REC114: variants seen among roughly 807,000 people sequenced by gnomAD.
REC114 encodes the protein REC114 meiotic recombination protein.
Under a neutral mutation model 31.3 loss-of-function variants are expected in REC114, and 27 were observed. The observed-to-expected ratio is 0.86, with a 90% CI of 0.64 to 1.19. The LOEUF is 1.19. Ranked by LOEUF, REC114 falls within the 50% of genes most tolerant of loss-of-function variation. The pLI is 0.00. For missense variants in REC114, 344 were observed against 326.9 expected, an observed-to-expected ratio of 1.05 and a Z score of -0.40; for synonymous variants, 134 against 127.7, an observed-to-expected ratio of 1.05 and a Z score of -0.33.
At position 73,495,508 on chromosome 15, in the gene REC114, TA is replaced by T. The variant is rs80177107; in HGVS notation, c.249+21602del. 9.1e-3 allele frequency among the ~76,000 whole-genome samples: 1,187 copies of T among 130,488 alleles called. 4 individuals carry two copies. Among genetic ancestry groups the T allele is most frequent in the African/African-American group, 0.02 (716 of 35,914 alleles). 85.6% of individuals were successfully genotyped at this position (130,488 alleles called of 152,430 possible). A position where few individuals can be genotyped will look rare whatever the true frequency, so the allele number is the denominator to read the frequency against. ...TTAAAATATTTTGCACTGCCAGTCT[TA>T]AAAAAAAAAAAAAAGCAAGAGAACT... On this transcript the variant is annotated intron_variant, in intron 2 of 5. Transcript: ENST00000331090.
intron 2 of REC114, among the ~76,000 whole-genome samples, chr15:73,498,133 A>G (rs1427576532): frequency 6.6e-6 from 1 of 152,078 alleles, no homozygotes; most frequent in African/African-American, 2.4e-5. Context: ...ACAAAACCAT[A>G]AGGTGTTATG....
At chr15:73,447,936 A>G (rs1025288931) in intron 1 of REC114, among the ~76,000 whole-genome samples, 1 of 152,114 alleles carries the variant, frequency 6.6e-6, no homozygotes, top group Admixed American at 6.5e-5. Flanking sequence ...GAGAGACTGT[A>G]CTGGGAGGAA....
At chr15:73,474,598 A>C (rs1040435004) in intron 2 of REC114, among the ~76,000 whole-genome samples, 1 of 152,204 alleles carries the variant, frequency 6.6e-6, no homozygotes, top group Non-Finnish European at 1.5e-5. Flanking sequence ...TTCATACAAC[A>C]AATATTTACT....
At chr15:73,454,747 G>T (rs1182436138) in intron 1 of REC114, among the ~76,000 whole-genome samples, 2 of 152,140 alleles carry the variant, frequency 1.3e-5, no homozygotes, top group Non-Finnish European at 2.9e-5. Flanking sequence ...TTTTGAGACT[G>T]CTCCACAGGT....
intron 1 of REC114, among the ~76,000 whole-genome samples, chr15:73,465,342 C>T (rs1029087452): frequency 2.0e-5 from 3 of 152,182 alleles, no homozygotes; most frequent in African/African-American, 7.2e-5. Flanking sequence ...TATATGAGCA[C>T]ATTATGTAGA....
At chr15:73,540,379 T>C in intron 2 of REC114, 106 bp from the exon 3 acceptor site, 1 of 854,676 alleles carries the variant, frequency 1.2e-6, no homozygotes, top group East Asian at 2.4e-5. Context: ...TATGTTTGAG[T>C]TACACAATAA....
At chr15:73,490,974 G>A (rs1458618477) in intron 2 of REC114, among the ~76,000 whole-genome samples, 3 of 152,054 alleles carry the variant, frequency 2.0e-5, no homozygotes, top group African/African-American at 4.8e-5. Flanking sequence ...CTTTAATTCA[G>A]CATGATGTTT....
chr15:73,464,101 C>G (rs1893025173), intron 1 of REC114, among the ~76,000 whole-genome samples: 1 of 151,948 alleles, frequency 6.6e-6, no homozygotes, highest in African/African-American at 2.4e-5. Context: ...GACCCTCTCA[C>G]TAACATTTTT....
intron 3 of REC114, 75 bp downstream of exon 3, chr15:73,540,643 C>G: frequency 1.6e-6 from 2 of 1,245,174 alleles, no homozygotes; most frequent in East Asian, 2.3e-5. Flanking sequence ...GGGGGCATCT[C>G]TTGGTAGGTG....
chr15:73,472,177 G>A (rs1225289039), intron 1 of REC114, among the ~76,000 whole-genome samples: 1 of 152,122 alleles, frequency 6.6e-6, no homozygotes, highest in Non-Finnish European at 1.5e-5. Context: ...ATAATTCATT[G>A]ACCAGACTGT....
chr15:73,555,522 TC>T (rs1355698694), intron 4 of REC114, among the ~76,000 whole-genome samples: 1 of 152,174 alleles, frequency 6.6e-6, no homozygotes, highest in Non-Finnish European at 1.5e-5. Context: ...TCCCTGTACT[TC>T]CTGCTTAGCA....
rs1219957778 is a variant in REC114, at chr15:73,443,221, G to A, written c.36G>A (p.Gly12=). Reference sequence around the variant, plus strand: ...CAGGAAAAGTGCCCTTGAGCCTCGGGCTTACCGGAGGAGAAGCGGCAGAGT... The same window carrying A: ...CAGGAAAAGTGCCCTTGAGCCTCGGACTTACCGGAGGAGAAGCGGCAGAGT... ...AEAGKVPLSL[G]LTGGEAAEWP... Residue 12 remains glycine (G), a synonymous_variant, in exon 1 of 6, where the codon GGG becomes GGA. Coordinates refer to ENST00000331090, the MANE Select transcript of REC114 (RefSeq NM_001042367.2). The A allele has an allele frequency of 6.3e-7, 1 of 1,576,130 alleles. No homozygotes were observed. The highest frequency in any genetic ancestry group is 8.6e-7 in the Non-Finnish European group (1 of 1,161,900).
Position 73,540,690 on chromosome 15 carries a change from T to A in REC114, c.333+122T>A, listed in dbSNP as rs187115286. 2.6e-5 allele frequency: 22 copies of A among 846,996 alleles called. No homozygotes were observed. In the East Asian group the frequency reaches 4.9e-4, roughly 19 times the overall value. 52.5% of individuals were successfully genotyped at this position (846,996 alleles called of 1,614,324 possible). A position where few individuals can be genotyped will look rare whatever the true frequency, so the allele number is the denominator to read the frequency against. ...GAAGAATACAAATGTTTAAGAAAGGTTTGTACTATGAGAAAAACATGAAAC... is the reference window on the plus strand; with the variant it reads ...GAAGAATACAAATGTTTAAGAAAGGATTGTACTATGAGAAAAACATGAAAC... On this transcript the variant is annotated intron_variant, in intron 3 of 5. Coordinates refer to ENST00000331090, the MANE Select transcript of REC114 (RefSeq NM_001042367.2).
At chr15:73,518,841 A>G (rs1893898023) in intron 2 of REC114, among the ~76,000 whole-genome samples, 1 of 152,276 alleles carries the variant, frequency 6.6e-6, no homozygotes, top group Admixed American at 6.5e-5. Context: ...ATTTGTTGTT[A>G]TAACTTTAAA....
In REC114 at chr15:73,556,324, AG is replaced by A; in HGVS notation, c.570del (p.Gln190HisfsTer5). The part of the protein sequence containing the change: ...QPGSHQHSEQ[Q>X]QVCVTAGTGA... Reference sequence around the variant, plus strand: ...CAGTCCCACCAGCACTCAGAACAACAGCAAGTGTGTGTAACAGCGGGCACAG... The same window carrying A: ...CAGTCCCACCAGCACTCAGAACAACACAAGTGTGTGTAACAGCGGGCACAG... On this transcript the variant is annotated frameshift_variant, in exon 5 of 6. Coordinates refer to ENST00000331090, the MANE Select transcript of REC114 (RefSeq NM_001042367.2). LOFTEE classifies it high-confidence loss of function. 6.2e-7 allele frequency: 1 copy of A among 1,613,868 alleles called. No individual in the cohort carries two copies. The highest frequency in any genetic ancestry group is 8.5e-7 in the Non-Finnish European group (1 of 1,179,782).
Position 73,471,013 on chromosome 15 carries a change from G to A in REC114, c.160-2819G>A, listed in dbSNP as rs544234440. Among the ~76,000 whole-genome samples the A allele has an allele frequency of 3.9e-5, 6 of 152,318 alleles. No individual in the cohort carries two copies. In the South Asian group the frequency reaches 1.0e-3, roughly 26 times the overall value. Reference sequence around the variant, plus strand: ...GAGCAGAGAGGCAGTGGAGGGCCTAGACCGTGGAGTGCGTTGCAGGAGCTT... The same window carrying A: ...GAGCAGAGAGGCAGTGGAGGGCCTAAACCGTGGAGTGCGTTGCAGGAGCTT... On this transcript the variant is annotated intron_variant, in intron 1 of 5. Transcript: ENST00000331090.
intron 1 of REC114, among the ~76,000 whole-genome samples, chr15:73,450,395 T>A (rs1366540076): frequency 1.3e-5 from 2 of 151,874 alleles, no homozygotes; most frequent in Admixed American, 1.3e-4. Flanking sequence ...ACAAGAGCGT[T>A]ACATAATGGT....
chr15:73,515,545 A>G (rs1469719987), intron 2 of REC114, among the ~76,000 whole-genome samples: 1 of 151,978 alleles, frequency 6.6e-6, no homozygotes, highest in East Asian at 1.9e-4. Context: ...TGGTGTTTGG[A>G]AGTGGGGGCC....
At chr15:73,472,490 CTA>C (rs769568250) in intron 1 of REC114, among the ~76,000 whole-genome samples, 1 of 152,164 alleles carries the variant, frequency 6.6e-6, no homozygotes, top group Non-Finnish European at 1.5e-5. Flanking sequence ...ACGTATGAAA[CTA>C]TAAGAGCATT....
Sources: allele counts gnomAD v4.1 joint callset (sites outside exome capture counted in the v4.1 genomes callset), GRCh38; gene constraint gnomAD v4.1.1; transcripts MANE v1.5; gene names NCBI Gene and HGNC (gene_info 2026-07-23, HGNC 2026-07-21).